ASTN2: variants seen among roughly 807,000 people sequenced by gnomAD.
ASTN2 encodes the protein astrotactin-2.
A neutral mutation model predicts 139.8 loss-of-function variants in ASTN2; 54 were observed. The ratio of observed to expected loss-of-function variants is 0.39; its 90% CI spans 0.31 to 0.48. The LOEUF (loss-of-function observed/expected upper bound fraction) is 0.48. ASTN2 is among the 20% of genes least tolerant of loss of function. The probability of loss-of-function intolerance (pLI) is 0.95; values close to 1 mark genes in which losing one functional copy is unlikely to be tolerated. For missense variants in ASTN2, 1,565 were observed against 1,725.1 expected (o/e 0.91, Z 1.64); for synonymous variants, 756 against 719.5 (o/e 1.05, Z -0.81).
chr9:116,483,978 TCTGA>T (rs1201159173), intron 20 of ASTN2, among the ~76,000 whole-genome samples: 1 of 152,198 alleles, frequency 6.6e-6, no homozygotes, highest in Non-Finnish European at 1.5e-5. Flanking sequence ...GAATTTGGTG[TCTGA>T]CTGTGTTTAA....
intron 19 of ASTN2, among the ~76,000 whole-genome samples, chr9:116,557,287 C>T (rs1279091578): frequency 1.6e-5 from 2 of 128,950 alleles, no homozygotes; most frequent in African/African-American, 5.9e-5. Context: ...GTTAAAAGTA[C>T]AGAATTTTGA....
chr9:117,338,022 T>C (rs558054911), intron 1 of ASTN2, among the ~76,000 whole-genome samples: 2 of 152,288 alleles, frequency 1.3e-5, no homozygotes, highest in African/African-American at 4.8e-5. Flanking sequence ...TCCTTATTCA[T>C]ATAAAAAATA....
chr9:116,847,028 A>C (rs199949961), intron 11 of ASTN2, among the ~76,000 whole-genome samples: 1 of 72,820 alleles, frequency 1.4e-5, no homozygotes, highest in Admixed American at 1.4e-4. Flanking sequence ...AAAAAAAAAC[A>C]AAAAACAAAA....
intron 5 of ASTN2, among the ~76,000 whole-genome samples, chr9:117,057,470 A>G (rs2132678210): frequency 6.6e-6 from 1 of 152,380 alleles, no homozygotes; most frequent in South Asian, 2.1e-4. Flanking sequence ...GGACAGCAAT[A>G]ATAGTAACAA....
intron 2 of ASTN2, among the ~76,000 whole-genome samples, chr9:117,250,272 G>A (rs940193332): frequency 6.6e-6 from 1 of 152,174 alleles, no homozygotes; most frequent in African/African-American, 2.4e-5. Flanking sequence ...GATCCTGTTA[G>A]ACACATTTCT....
intron 7 of ASTN2, among the ~76,000 whole-genome samples, chr9:116,991,966 C>T (rs1323520226): frequency 1.3e-5 from 2 of 152,138 alleles, no homozygotes; most frequent in Admixed American, 6.5e-5. Context: ...TGCCCCAGAT[C>T]CTCTGCACTG....
chr9:116,587,499 G>A (rs976568684), intron 19 of ASTN2, among the ~76,000 whole-genome samples: 10 of 152,036 alleles, frequency 6.6e-5, no homozygotes, highest in Non-Finnish European at 2.9e-5. Flanking sequence ...CTGGTAGTGA[G>A]CCATGTGATT....
At chr9:116,556,583 T>C (rs1238889283) in intron 19 of ASTN2, among the ~76,000 whole-genome samples, 1 of 152,216 alleles carries the variant, frequency 6.6e-6, no homozygotes, top group Non-Finnish European at 1.5e-5. Context: ...TAAAATTGTG[T>C]TGGAACAAAC....
intron 13 of ASTN2, among the ~76,000 whole-genome samples, chr9:116,740,268 T>C (rs1053289877): frequency 4.6e-5 from 7 of 152,216 alleles, no homozygotes; most frequent in Admixed American, 1.3e-4. Context: ...CCAGTTGAAA[T>C]ACATCTTTTC....
At chr9:116,754,010 G>T (rs1052079939) in intron 13 of ASTN2, among the ~76,000 whole-genome samples, 2 of 114,480 alleles carry the variant, frequency 1.7e-5, no homozygotes, top group Admixed American at 1.1e-4. Flanking sequence ...CCCCTGCTGC[G>T]TCCATGTGTT....
At chr9:116,958,969 G>T (rs1835801846) in intron 10 of ASTN2, among the ~76,000 whole-genome samples, 1 of 152,152 alleles carries the variant, frequency 6.6e-6, no homozygotes, top group Non-Finnish European at 1.5e-5. Flanking sequence ...GCCTCAATTT[G>T]AGGGTGGCAA....
chr9:117,190,796 C>T (rs1250481153), intron 3 of ASTN2, among the ~76,000 whole-genome samples: 1 of 152,092 alleles, frequency 6.6e-6, no homozygotes, highest in Non-Finnish European at 1.5e-5. Context: ...TAATTCCCTC[C>T]TTTGTTTTCT....
chr9:116,641,733 C>T (rs1857340603), intron 17 of ASTN2, among the ~76,000 whole-genome samples: 1 of 152,040 alleles, frequency 6.6e-6, no homozygotes, highest in Non-Finnish European at 1.5e-5. Flanking sequence ...GTCTTCAGGT[C>T]CCATGAAAGA....
chr9:117,056,229 T>C (rs951502118), intron 5 of ASTN2, among the ~76,000 whole-genome samples: 1 of 152,194 alleles, frequency 6.6e-6, no homozygotes, highest in Non-Finnish European at 1.5e-5. Context: ...ATAATGAATG[T>C]TTGTTGTTTT....
intron 3 of ASTN2, among the ~76,000 whole-genome samples, chr9:117,148,370 T>C (rs1272686695): frequency 6.6e-6 from 1 of 152,196 alleles, no homozygotes; most frequent in Non-Finnish European, 1.5e-5. Flanking sequence ...GAGTAGTCAT[T>C]ACTCATCTTT....
chr9:116,437,147 T>G (rs934439509), intron 22 of ASTN2: 6 of 345,992 alleles, frequency 1.7e-5, no homozygotes, highest in Non-Finnish European at 3.4e-5. Flanking sequence ...GCATGGCACA[T>G]GTAACTAACC....
At chr9:117,240,518 A>G (rs1165202541) in intron 2 of ASTN2, among the ~76,000 whole-genome samples, 1 of 152,206 alleles carries the variant, frequency 6.6e-6, no homozygotes, top group Non-Finnish European at 1.5e-5. Flanking sequence ...AAGAAAGGGG[A>G]CAGGAGAAAG....
intron 19 of ASTN2, among the ~76,000 whole-genome samples, chr9:116,542,242 A>G (rs1412096033): frequency 3.3e-5 from 5 of 152,236 alleles, no homozygotes; most frequent in Admixed American, 2.0e-4. Flanking sequence ...CTTGATACAT[A>G]TTGCTAATTT....
In ASTN2 at chr9:116,425,784, G is replaced by A; in HGVS notation, c.*67C>T. On this transcript the variant is annotated 3_prime_UTR_variant, in exon 23 of 23. Transcript: ENST00000313400. ...GTCCCCCAGCCCACCCAGGCCCCAG[G>A]ATCCAGGAGAATACTGCTCCCCCTC... is the stretch of plus-strand genomic sequence containing the variant. The A allele has an allele frequency of 6.2e-7, 1 of 1,608,722 alleles. No homozygotes were observed. The highest frequency in any genetic ancestry group is 8.5e-7 in the Non-Finnish European group (1 of 1,176,500).
Sources: allele counts gnomAD v4.1 joint callset (sites outside exome capture counted in the v4.1 genomes callset), GRCh38; gene constraint gnomAD v4.1.1; transcripts MANE v1.5; gene names NCBI Gene and HGNC (gene_info 2026-07-23, HGNC 2026-07-21).